The following TENM3 variants were observed in gnomAD, a reference collection of about 807,000 sequenced individuals.
TENM3 encodes the protein teneurin-3.
In TENM3, 63 loss-of-function variants were observed where a neutral mutation model predicts 255.1. The observed-to-expected ratio is 0.25, with a 90% CI of 0.20 to 0.30. The LOEUF (loss-of-function observed/expected upper bound fraction) is 0.30, where lower values mean the gene tolerates loss of function less well. TENM3 is among the 10% of genes least tolerant of loss of function. The pLI, the probability that TENM3 is intolerant of heterozygous loss-of-function variation, is 1.00. For synonymous variants in TENM3, 1,306 were observed against 1,322.3 expected (o/e 0.99, Z 0.27); for missense variants, 2,929 against 3,461.1 (o/e 0.85, Z 3.86).
chr4:182,548,297 T>C (rs1268512604), intron 3 of TENM3, among the ~76,000 whole-genome samples: 1 of 152,118 alleles, frequency 6.6e-6, no homozygotes, highest in Non-Finnish European at 1.5e-5. Context: ...GTTTAGAATT[T>C]TTGCAATCCA....
At chr4:182,146,447 G>T (rs759996738) in intron 1 of TENM3, among the ~76,000 whole-genome samples, 8 of 152,116 alleles carry the variant, frequency 5.3e-5, no homozygotes, top group African/African-American at 9.7e-5. Flanking sequence ...AAAGATAGGA[G>T]TTTATAATGA....
the TENM3 span, among the ~76,000 whole-genome samples, chr4:181,923,186 C>T: frequency 2.1e-3 from 314 of 151,834 alleles, 2 homozygotes; most frequent in Middle Eastern, 0.014. Context: ...AGGTGTGGTG[C>T]GGTGCTGAAA....
At chr4:182,326,782 A>G (rs1442726847) in intron 2 of TENM3, among the ~76,000 whole-genome samples, 2 of 152,050 alleles carry the variant, frequency 1.3e-5, no homozygotes, top group East Asian at 1.9e-4. Flanking sequence ...GCCTCAAGCA[A>G]TCCTCTTACT....
chr4:182,438,383 G>A (rs1015880018), intron 3 of TENM3, among the ~76,000 whole-genome samples: 8 of 152,108 alleles, frequency 5.3e-5, no homozygotes, highest in Non-Finnish European at 7.3e-5. Context: ...TTTTCCTGGC[G>A]CTGGTTATGA....
At chr4:182,178,244 A>G (rs1752637970) in intron 1 of TENM3, among the ~76,000 whole-genome samples, 1 of 152,276 alleles carries the variant, frequency 6.6e-6, no homozygotes, top group Admixed American at 6.5e-5. Flanking sequence ...GAACATTCAG[A>G]TAACTAAATG....
chr4:182,017,405 T>C, the TENM3 span, among the ~76,000 whole-genome samples: 1 of 152,220 alleles, frequency 6.6e-6, no homozygotes, highest in African/African-American at 2.4e-5. Context: ...TTTTCCTGGA[T>C]TGAGTTTTAC....
chr4:181,552,996 C>T, the TENM3 span, among the ~76,000 whole-genome samples: 1 of 152,170 alleles, frequency 6.6e-6, no homozygotes, highest in African/African-American at 2.4e-5. Context: ...TTCTGACTCC[C>T]TTCTAGGCCC....
At chr4:182,766,268 T>G (rs1321714766) in intron 22 of TENM3, among the ~76,000 whole-genome samples, 1 of 152,024 alleles carries the variant, frequency 6.6e-6, no homozygotes, top group Admixed American at 6.6e-5. Flanking sequence ...GAGCAAAAAT[T>G]TTCCTCGCCA....
the TENM3 span, among the ~76,000 whole-genome samples, chr4:181,800,085 T>C: frequency 2.0e-5 from 3 of 152,194 alleles, no homozygotes; most frequent in Non-Finnish European, 4.4e-5. Flanking sequence ...AAGATTTTCC[T>C]GTGAAGTACA....
rs572135434 is a variant in TENM3, at chr4:182,189,058, AT to A, written c.-76+44309del. ...AATGAAAGTAAATAAGTAAATGGAA[AT>A]TTTTGTAATATTAAATAATCAAAAT... On this transcript the variant is annotated intron_variant, in intron 1 of 2. Coordinates refer to the TENM3 transcript ENST00000512480. 5.9e-5 allele frequency among the ~76,000 whole-genome samples: 9 copies of A among 152,278 alleles called. No individual in the cohort carries two copies. The East Asian group carries it at 1.7e-3, about 29-fold the overall frequency.
chr4:182,044,266 AAAAG>A, the TENM3 span, among the ~76,000 whole-genome samples: 1 of 152,222 alleles, frequency 6.6e-6, no homozygotes, highest in Non-Finnish European at 1.5e-5. Context: ...CACACCAACA[AAAAG>A]AAAGGAAAGA....
the TENM3 span, among the ~76,000 whole-genome samples, chr4:182,015,196 C>A: frequency 6.6e-6 from 1 of 152,182 alleles, no homozygotes; most frequent in Non-Finnish European, 1.5e-5. Context: ...GCCTCGGGTA[C>A]TCCTGTGCGA....
chr4:182,229,416 G>A (rs1185516873), intron 1 of TENM3, among the ~76,000 whole-genome samples: 3 of 152,046 alleles, frequency 2.0e-5, no homozygotes, highest in Admixed American at 6.6e-5. Context: ...GTCCCGAGTG[G>A]GGAAAGAGTA....
chr4:182,092,159 G>A, the TENM3 span, among the ~76,000 whole-genome samples: 6 of 151,658 alleles, frequency 4.0e-5, no homozygotes, highest in Admixed American at 2.6e-4. Context: ...GGCCAACATG[G>A]TGAAGCCCCA....
At chr4:182,414,102 A>G (rs181356788) in intron 3 of TENM3, among the ~76,000 whole-genome samples, 134 of 152,300 alleles carry the variant, frequency 8.8e-4, no homozygotes, top group South Asian at 6.2e-4. Context: ...TTTCTTCCAA[A>G]TTTAGTTTCT....
chr4:182,470,789 CATT>C (rs2151449454), intron 3 of TENM3, among the ~76,000 whole-genome samples: 1 of 152,200 alleles, frequency 6.6e-6, no homozygotes, highest in East Asian at 1.9e-4. Context: ...TGTTGTAAGT[CATT>C]AGAGAACTAG....
chr4:181,610,638 A>G, the TENM3 span, among the ~76,000 whole-genome samples: 1 of 152,196 alleles, frequency 6.6e-6, no homozygotes, highest in Admixed American at 6.5e-5. Flanking sequence ...CTGTAAAAAT[A>G]AAGTTGAAAA....
intron 3 of TENM3, among the ~76,000 whole-genome samples, chr4:182,352,560 T>C (rs1242964462): frequency 6.6e-6 from 1 of 152,140 alleles, no homozygotes; most frequent in Non-Finnish European, 1.5e-5. Flanking sequence ...AATGCCACAT[T>C]AATTGTGCAT....
the TENM3 span, among the ~76,000 whole-genome samples, chr4:182,019,917 C>T: frequency 1.3e-5 from 2 of 152,202 alleles, no homozygotes; most frequent in East Asian, 1.9e-4. Flanking sequence ...CAATCTGATC[C>T]GCCTGCCTCA....
Sources: gnomAD v4.1 joint callset for allele counts (sites outside exome capture counted in the v4.1 genomes callset) on GRCh38, gnomAD v4.1.1 for gene constraint, MANE v1.5 for transcripts, NCBI Gene and HGNC (gene_info 2026-07-23, HGNC 2026-07-21) for gene names.